The following CCDC148 variants were observed in gnomAD, a reference collection of about 807,000 sequenced individuals.
CCDC148 encodes the protein coiled-coil domain-containing protein 148.
Under a neutral mutation model 85.7 loss-of-function variants are expected in CCDC148, and 89 were observed. That is an observed-to-expected ratio of 1.04 (90% CI 0.87 to 1.24). The LOEUF (loss-of-function observed/expected upper bound fraction) is 1.24. CCDC148 is among the 50% of genes most tolerant of loss of function. The probability of loss-of-function intolerance (pLI) is 0.00; values close to 1 mark genes in which losing one functional copy is unlikely to be tolerated. For missense variants in CCDC148, 692 were observed against 671.7 expected (o/e 1.03, Z -0.33); for synonymous variants, 230 against 213.9 (o/e 1.08, Z -0.66).
chr2:158,395,529 T>G (rs1247277635), intron 1 of CCDC148, among the ~76,000 whole-genome samples: 1 of 152,162 alleles, frequency 6.6e-6, no homozygotes, highest in Non-Finnish European at 1.5e-5. Flanking sequence ...TGAGTGATAA[T>G]GTGAAAGGGA....
chr2:158,366,280 C>T (rs1391122912), intron 1 of CCDC148, among the ~76,000 whole-genome samples: 2 of 152,020 alleles, frequency 1.3e-5, no homozygotes, highest in Admixed American at 6.6e-5. Flanking sequence ...TTGGTCCTGT[C>T]CTTTCTATTT....
chr2:158,355,411 C>A (rs951712828), intron 2 of CCDC148, among the ~76,000 whole-genome samples: 4 of 152,168 alleles, frequency 2.6e-5, no homozygotes, highest in African/African-American at 9.7e-5. Context: ...GTACAAAAAT[C>A]AGAAGCATTC....
At chr2:158,397,832 T>A (rs940472653) in intron 1 of CCDC148, among the ~76,000 whole-genome samples, 1 of 152,036 alleles carries the variant, frequency 6.6e-6, no homozygotes, top group African/African-American at 2.4e-5. Context: ...AGACACAGAC[T>A]AGCAAATTGG....
chr2:158,192,353 G>A (rs1043620272), intron 11 of CCDC148, among the ~76,000 whole-genome samples: 4 of 152,060 alleles, frequency 2.6e-5, no homozygotes, highest in Admixed American at 1.3e-4. Context: ...AACAACTCAC[G>A]ATTTGTAAAC....
chr2:158,397,342 G>A (rs1344673653), intron 1 of CCDC148, among the ~76,000 whole-genome samples: 1 of 151,974 alleles, frequency 6.6e-6, no homozygotes, highest in African/African-American at 2.4e-5. Context: ...TCACCAAGGT[G>A]GAAATGAAGG....
intron 2 of CCDC148, among the ~76,000 whole-genome samples, chr2:158,357,979 T>A (rs555977453): frequency 6.6e-6 from 1 of 152,280 alleles, no homozygotes; most frequent in East Asian, 1.9e-4. Context: ...CACTTGCACA[T>A]AATCTCCTTT....
At chr2:158,246,032 C>T (rs1261415554) in intron 10 of CCDC148, among the ~76,000 whole-genome samples, 2 of 152,092 alleles carry the variant, frequency 1.3e-5, no homozygotes, top group Non-Finnish European at 2.9e-5. Flanking sequence ...CGAATACAAA[C>T]CAAAATATTA....
rs533005532 is a variant in CCDC148, at chr2:158,450,112, A to G, written c.25+6303T>C. ...ATCCAACCCCAGGGATGTACAGAAA[A>G]CAACAATAAACAGTGGCCCAGGGAT... On this transcript the variant is annotated intron_variant, in intron 1 of 13. Transcript: ENST00000283233. 5.9e-5 allele frequency among the ~76,000 whole-genome samples: 9 copies of G among 152,208 alleles called. 1 individual carries two copies. The South Asian group carries it at 1.9e-3, about 32-fold the overall frequency.
chr2:158,274,613 T>C (rs1375066051), intron 9 of CCDC148, among the ~76,000 whole-genome samples: 2 of 152,222 alleles, frequency 1.3e-5, no homozygotes, highest in Non-Finnish European at 1.5e-5. Flanking sequence ...ATATTTCCTA[T>C]GGATTTCATT....
rs895370998 is a variant in CCDC148 at position 158,199,537 on chromosome 2, G to A, written c.1371-20541C>T. 1.2e-4 allele frequency among the ~76,000 whole-genome samples: 19 copies of A among 152,290 alleles called. No homozygotes were observed. The South Asian group carries it at 1.9e-3, about 15-fold the overall frequency. On this transcript the variant is annotated intron_variant, in intron 11 of 13. Transcript: ENST00000283233. ...TGGGATTACAAGTGTGAGCCACCAC[G>A]TCCGGCCTTTGATATTAATTTAAAA... is the stretch of plus-strand genomic sequence containing the variant.
chr2:158,278,334 T>G (rs1690063657), intron 9 of CCDC148, among the ~76,000 whole-genome samples: 1 of 152,030 alleles, frequency 6.6e-6, no homozygotes, highest in South Asian at 2.1e-4. Context: ...ATTGCCTCAC[T>G]CGGGATGCGA....
chr2:158,247,774 T>C (rs1256530082), intron 10 of CCDC148, among the ~76,000 whole-genome samples: 1 of 152,096 alleles, frequency 6.6e-6, no homozygotes, highest in Non-Finnish European at 1.5e-5. Context: ...GAGAATCACT[T>C]GAACCCTGGA....
At chr2:158,198,406 A>G (rs528463525) in intron 11 of CCDC148, among the ~76,000 whole-genome samples, 49 of 152,342 alleles carry the variant, frequency 3.2e-4, no homozygotes, top group African/African-American at 1.1e-3. Flanking sequence ...AAATAATAGT[A>G]TCACTGTGTT....
At chr2:158,334,518 AG>A in intron 7 of CCDC148, among the ~76,000 whole-genome samples, 1 of 152,126 alleles carries the variant, frequency 6.6e-6, no homozygotes, top group Admixed American at 6.6e-5. Flanking sequence ...CTCTACTTCA[AG>A]ATTATTTATT....
intron 1 of CCDC148, among the ~76,000 whole-genome samples, chr2:158,423,433 C>G (rs143290562): frequency 0.067 from 10,253 of 152,238 alleles, 481 homozygotes; most frequent in South Asian, 0.15. Flanking sequence ...ACCACCTGAT[C>G]TTTGACAAAC....
At chr2:158,273,336 G>A (rs1385815989) in intron 9 of CCDC148, among the ~76,000 whole-genome samples, 2 of 152,052 alleles carry the variant, frequency 1.3e-5, no homozygotes, top group South Asian at 2.1e-4. Context: ...CCAATGTCCC[G>A]AGATTTCTTT....
In CCDC148 at chr2:158,224,925, A is replaced by C. The variant is rs922218633; in HGVS notation, c.1252-4212T>G. Among the ~76,000 whole-genome samples, 12 of 152,192 alleles carry C rather than the reference A, an allele frequency of 7.9e-5. No homozygotes were observed. The South Asian group carries it at 1.5e-3, about 18-fold the overall frequency. ...GAGCAAACTAACCAGCTAACATCATAATGACAGGATCAAATTCACACATGA... is the reference window on the plus strand; with the variant it reads ...GAGCAAACTAACCAGCTAACATCATCATGACAGGATCAAATTCACACATGA... On this transcript the variant is annotated intron_variant, in intron 10 of 13. Transcript: ENST00000283233.
At chr2:158,349,851 C>T (rs1243669807) in intron 2 of CCDC148, among the ~76,000 whole-genome samples, 2 of 152,104 alleles carry the variant, frequency 1.3e-5, no homozygotes, top group Non-Finnish European at 2.9e-5. Context: ...TTCAAAACAA[C>T]AGACATTCCA....
chr2:158,175,198 C>A (rs991232889), intron 13 of CCDC148, among the ~76,000 whole-genome samples: 2 of 151,984 alleles, frequency 1.3e-5, no homozygotes, highest in African/African-American at 2.4e-5. Context: ...GTTAGCCCAG[C>A]GGCCTGAGAC....
Sources: allele counts gnomAD v4.1 joint callset (sites outside exome capture counted in the v4.1 genomes callset), GRCh38; gene constraint gnomAD v4.1.1; transcripts MANE v1.5; gene names NCBI Gene and HGNC (gene_info 2026-07-23, HGNC 2026-07-21).